The following SGIP1 variants were observed in gnomAD, a reference collection of about 807,000 sequenced individuals.
SGIP1 encodes SH3-containing GRB2-like protein 3-interacting protein 1.
A neutral mutation model predicts 107.5 loss-of-function variants in SGIP1; 38 were observed. The ratio of observed to expected loss-of-function variants is 0.35; its 90% CI spans 0.27 to 0.46. The LOEUF (loss-of-function observed/expected upper bound fraction) is 0.46. Ranked by LOEUF, SGIP1 falls within the 20% of genes least tolerant of loss-of-function variation. The pLI, the probability that SGIP1 is intolerant of heterozygous loss-of-function variation, is 1.00. For synonymous variants in SGIP1, 365 were observed against 366.1 expected (o/e 1.00, Z 0.03); for missense variants, 929 against 1,019.5 (o/e 0.91, Z 1.21).
intron 12 of SGIP1, among the ~76,000 whole-genome samples, chr1:66,675,448 A>G (rs2084972226): frequency 6.9e-6 from 1 of 145,400 alleles, no homozygotes; most frequent in South Asian, 2.2e-4. Flanking sequence ...CGATACCCAC[A>G]CTTCCCTTTT....
chr1:66,645,225 A>G (rs1044434562), intron 7 of SGIP1, among the ~76,000 whole-genome samples: 3 of 152,232 alleles, frequency 2.0e-5, no homozygotes, highest in Non-Finnish European at 4.4e-5. Context: ...ATGTGAAAGC[A>G]AATGTACCGG....
chr1:66,605,592 G>A (rs534694219), intron 1 of SGIP1, among the ~76,000 whole-genome samples: 138 of 151,452 alleles, frequency 9.1e-4, no homozygotes, highest in Non-Finnish European at 1.4e-3. Context: ...AAACTACTGC[G>A]CTATCTAGTG....
chr1:66,588,614 A>G (rs2063039270), intron 1 of SGIP1, among the ~76,000 whole-genome samples: 1 of 135,606 alleles, frequency 7.4e-6, no homozygotes, highest in Non-Finnish European at 1.6e-5. Flanking sequence ...GAAGAAGTTA[A>G]TTTTTCACTC....
At chr1:66,610,737 G>A (rs543422749) in intron 1 of SGIP1, among the ~76,000 whole-genome samples, 3 of 133,380 alleles carry the variant, frequency 2.2e-5, no homozygotes, top group South Asian at 2.4e-4. Flanking sequence ...TAATTCCATC[G>A]ATTTTAAGGA....
intron 15 of SGIP1, among the ~76,000 whole-genome samples, chr1:66,686,163 G>C (rs1015594417): frequency 6.6e-6 from 1 of 152,224 alleles, no homozygotes; most frequent in Non-Finnish European, 1.5e-5. Flanking sequence ...GCAGAGCCAG[G>C]TTATGGTCCC....
intron 19 of SGIP1, among the ~76,000 whole-genome samples, chr1:66,722,698 C>T (rs370802359): frequency 6.6e-6 from 1 of 152,120 alleles, no homozygotes; most frequent in South Asian, 2.1e-4. Flanking sequence ...GTTAAGAAGC[C>T]GTTATTAACG....
At chr1:66,735,227 G>GT (rs765507364) in intron 21 of SGIP1, among the ~76,000 whole-genome samples, 4 of 149,412 alleles carry the variant, frequency 2.7e-5, no homozygotes, top group Admixed American at 6.6e-5. Flanking sequence ...ATTTTATTTA[G>GT]TTTTTTGAGA....
At chr1:66,732,508 A>G (rs1010577521) in intron 20 of SGIP1, among the ~76,000 whole-genome samples, 1 of 152,176 alleles carries the variant, frequency 6.6e-6, no homozygotes, top group African/African-American at 2.4e-5. Context: ...GCTTTGCCTC[A>G]TCCTCAATAA....
intron 7 of SGIP1, among the ~76,000 whole-genome samples, chr1:66,651,340 T>A (rs897383573): frequency 6.6e-6 from 1 of 152,108 alleles, no homozygotes; most frequent in African/African-American, 2.4e-5. Context: ...GATGAGAAAG[T>A]TGAGACATTG....
At chr1:66,635,250 C>G (rs2075552151) in intron 3 of SGIP1, among the ~76,000 whole-genome samples, 1 of 152,222 alleles carries the variant, frequency 6.6e-6, no homozygotes, top group Admixed American at 6.5e-5. Context: ...GAAGGTGGGC[C>G]TTGCTCCCCA....
intron 18 of SGIP1, among the ~76,000 whole-genome samples, chr1:66,707,198 A>G (rs1303047595): frequency 6.6e-6 from 1 of 152,128 alleles, no homozygotes; most frequent in African/African-American, 2.4e-5. Context: ...TTTGGGCACG[A>G]AATAAACTTT....
rs1429133682 is a variant in SGIP1 at position 66,743,088 on chromosome 1, A to T, written c.2480A>T (p.Asp827Val). The change falls in exon 25 of 25, where the codon GAT becomes GTT. Residue 827 changes from aspartate to valine, a missense_variant. Physicochemically the swap from Asp to Val is radical, Grantham distance 152. Around this residue, in one of 2 missense-constraint regions of SGIP1, gnomAD observed 341 missense variants for 430.9 expected, o/e 0.79. Coordinates refer to ENST00000371037, the MANE Select transcript of SGIP1 (RefSeq NM_032291.4). ...TGTTTTGCAGGAAAATACTTGGCAG[A>T]TAACTAATGAAATCTTATGCAAGGA... ...KRFAAGKYLA[D>V]N 6.2e-7 allele frequency: 1 copy of T among 1,613,552 alleles called. No individual in the cohort carries two copies. The highest frequency in any genetic ancestry group is 1.7e-5 in the Admixed American group (1 of 60,028).
At chr1:66,546,738 A>G (rs572918075) in intron 1 of SGIP1, among the ~76,000 whole-genome samples, 1 of 152,220 alleles carries the variant, frequency 6.6e-6, no homozygotes, top group Non-Finnish European at 1.5e-5. Context: ...AGGCTTTAAC[A>G]TTGGGGAAAG....
chr1:66,553,388 G>T (rs1453874249), intron 1 of SGIP1, among the ~76,000 whole-genome samples: 5 of 151,842 alleles, frequency 3.3e-5, no homozygotes, highest in Middle Eastern at 6.3e-3. Flanking sequence ...CAAAAATGAG[G>T]CCAACGGCTG....
At chr1:66,576,090 A>G (rs2061024190) in intron 1 of SGIP1, among the ~76,000 whole-genome samples, 1 of 152,230 alleles carries the variant, frequency 6.6e-6, no homozygotes, top group African/African-American at 2.4e-5. Flanking sequence ...AAGAATTCAC[A>G]GTAATAAGAT....
chr1:66,719,316 C>T lies in SGIP1; in HGVS notation c.1653C>T (p.Pro551=). The T allele has an allele frequency of 6.2e-7, 1 of 1,613,114 alleles. No individual in the cohort carries two copies. Residue 551 remains proline, a synonymous_variant, in exon 19 of 25, where the codon CCC becomes CCT. Transcript: ENST00000371037. ...TFEGSSRGPS[P]LTMGAQDTLP... is the part of the protein sequence containing the mutation. ...CAGGTTCTTCCAGGGGACCCAGCCC[C>T]CTAACCATGGGAGCTCAGGACACTC...
chr1:66,570,826 T>C (rs2060282113), intron 1 of SGIP1, among the ~76,000 whole-genome samples: 2 of 151,920 alleles, frequency 1.3e-5, no homozygotes, highest in South Asian at 4.1e-4. Context: ...ATTTGAGAAT[T>C]ATTGCTTGGG....
intron 18 of SGIP1, among the ~76,000 whole-genome samples, chr1:66,712,560 CT>C (rs2092987476): frequency 1.3e-5 from 2 of 152,048 alleles, no homozygotes; most frequent in African/African-American, 4.8e-5. Flanking sequence ...GTGCATTTTG[CT>C]TTTTTTCTCT....
chr1:66,688,129 T>C (rs1327284599), intron 15 of SGIP1, among the ~76,000 whole-genome samples: 5 of 152,068 alleles, frequency 3.3e-5, no homozygotes, highest in African/African-American at 1.2e-4. Flanking sequence ...GTGTGGGGGA[T>C]GAAGTGTGGA....
Sources: allele counts gnomAD v4.1 joint callset (sites outside exome capture counted in the v4.1 genomes callset), GRCh38; gene constraint gnomAD v4.1.1; regional missense constraint gnomAD v4.1.1; transcripts MANE v1.5; gene names NCBI Gene and HGNC (gene_info 2026-07-23, HGNC 2026-07-21).